Variants in HECA observed in about 807,000 individuals in gnomAD.
The protein encoded by HECA is headcase protein homolog.
Under a neutral mutation model 37.6 loss-of-function variants are expected in HECA, and 13 were observed. The ratio of observed to expected loss-of-function variants is 0.35; its 90% CI spans 0.23 to 0.55. HECA has a LOEUF of 0.55. HECA is among the 20% of genes least tolerant of loss of function. HECA has a pLI of 0.90. For missense variants in HECA, 527 were observed against 701.9 expected (o/e 0.75, Z 2.82); for synonymous variants, 307 against 291.5 (o/e 1.05, Z -0.54).
At position 139,178,624 on chromosome 6, in the gene HECA, G is replaced by A. The variant is rs964902417; in HGVS notation, c.*1519G>A. 1.3e-5 allele frequency: 2 copies of A among 150,580 alleles called. No individual in the cohort carries two copies. The highest frequency in any genetic ancestry group is 4.9e-5 in the African/African-American group (2 of 40,808). 9.3% of individuals were successfully genotyped at this position (150,580 alleles called of 1,614,324 possible). A position where few individuals can be genotyped will look rare whatever the true frequency, so the allele number is the denominator to read the frequency against. On this transcript the variant is annotated 3_prime_UTR_variant, in exon 4 of 4. Coordinates refer to ENST00000367658, the MANE Select transcript of HECA (RefSeq NM_016217.3). Reference sequence around the variant, plus strand: ...AGTCTCACTCTTGTCACCCAGGCTGGAGTGCAGTAGTGCGATCTCAGCTCA... The same window carrying A: ...AGTCTCACTCTTGTCACCCAGGCTGAAGTGCAGTAGTGCGATCTCAGCTCA...
At chr6:139,154,394 T>C (rs1170906766) in intron 1 of HECA, among the ~76,000 whole-genome samples, 1 of 152,166 alleles carries the variant, frequency 6.6e-6, no homozygotes, top group African/African-American at 2.4e-5. Flanking sequence ...AAAAAAAAAC[T>C]CTGGACTGGT....
chr6:139,171,584 A>G (rs1324406464), intron 2 of HECA, among the ~76,000 whole-genome samples: 1 of 152,222 alleles, frequency 6.6e-6, no homozygotes, highest in Non-Finnish European at 1.5e-5. Flanking sequence ...TCATGTCTTC[A>G]ATCACCAATT....
Position 139,178,655 on chromosome 6 carries a change from A to G in HECA, c.*1550A>G, listed in dbSNP as rs1775087786. ...AGTAGTGCGATCTCAGCTCACTGCA[A>G]CCTCTGCCTCCTGGATTCAAGCGAT... is the stretch of plus-strand genomic sequence containing the variant. On this transcript the variant is annotated 3_prime_UTR_variant, in exon 4 of 4. Coordinates refer to ENST00000367658, the MANE Select transcript of HECA (RefSeq NM_016217.3). 1 of 151,222 alleles carries G rather than the reference A, an allele frequency of 6.6e-6. No individual in the cohort carries two copies. The highest frequency in any genetic ancestry group is 1.5e-5 in the Non-Finnish European group (1 of 67,824). The allele number at this position is 151,222 out of a possible 1,614,324, so 9.4% of individuals were successfully genotyped here.
intron 1 of HECA, among the ~76,000 whole-genome samples, chr6:139,152,307 A>T (rs367647411): frequency 4.0e-4 from 61 of 152,286 alleles, no homozygotes; most frequent in African/African-American, 1.4e-3. Flanking sequence ...GAGGCTGGGT[A>T]GACTTGTGGG....
At chr6:139,168,573 C>T (rs72980683) in intron 2 of HECA, among the ~76,000 whole-genome samples, 6,214 of 152,046 alleles carry the variant, frequency 0.041, 135 homozygotes, top group African/African-American at 0.062. Context: ...GACTCTTACC[C>T]TCCTGCTTCT....
chr6:139,163,788 C>A (rs559357475), intron 1 of HECA, among the ~76,000 whole-genome samples: 8 of 152,272 alleles, frequency 5.3e-5, no homozygotes, highest in Middle Eastern at 3.4e-3. Context: ...CTTTTCCTGG[C>A]CTCTGGTCTC....
At chr6:139,164,449 A>G (rs1774853448) in intron 1 of HECA, among the ~76,000 whole-genome samples, 1 of 152,064 alleles carries the variant, frequency 6.6e-6, no homozygotes, top group South Asian at 2.1e-4. Context: ...TGCTTCCTGT[A>G]GTGTGCTGGA....
intron 2 of HECA, among the ~76,000 whole-genome samples, chr6:139,172,404 G>A (rs757376563): frequency 4.6e-5 from 7 of 152,046 alleles, no homozygotes; most frequent in Non-Finnish European, 8.8e-5. Context: ...CTACTCCCTC[G>A]CCCTGCCCTT....
chr6:139,163,155 C>G (rs1774831013), intron 1 of HECA, among the ~76,000 whole-genome samples: 3 of 152,070 alleles, frequency 2.0e-5, no homozygotes, highest in African/African-American at 7.2e-5. Context: ...GATTTTACCC[C>G]CTAGGGGATA....
intron 1 of HECA, among the ~76,000 whole-genome samples, chr6:139,147,688 G>A (rs1375456180): frequency 6.6e-6 from 1 of 152,142 alleles, no homozygotes; most frequent in Non-Finnish European, 1.5e-5. Flanking sequence ...CTTGACCCAA[G>A]GAAGCACTTT....
intron 1 of HECA, among the ~76,000 whole-genome samples, chr6:139,146,052 A>G (rs1774580296): frequency 6.6e-6 from 1 of 152,058 alleles, no homozygotes; most frequent in South Asian, 2.1e-4. Context: ...CTCAAATCAT[A>G]TTACCTCCCC....
In HECA at chr6:139,166,416, A is replaced by G. The variant is rs745853220; in HGVS notation, c.404A>G (p.Tyr135Cys). Residue 135 changes from tyrosine (Y) to cysteine (C), a missense_variant, in exon 2 of 4, where the codon TAC becomes TGC. This residue lies in a region of HECA where 172 missense variants were observed against 197.6 expected (regional missense o/e 0.87). Coordinates refer to ENST00000367658, the MANE Select transcript of HECA (RefSeq NM_016217.3). ...ACCTGGATGCACCTGCAGTGCTTCT[A>G]CGAGTGGGAGAGCAGCATCCTCGTC... The part of the protein sequence containing the change: ...CSTWMHLQCF[Y>C]EWESSILVQF... 6.8e-6 allele frequency: 11 copies of G among 1,614,226 alleles called. No homozygotes were observed. The highest frequency in any genetic ancestry group is 3.3e-5 in the South Asian group (3 of 91,088).
Position 139,166,457 on chromosome 6 carries a change from G to A in HECA, c.445G>A (p.Gly149Ser), listed in dbSNP as rs1774887139. The A allele has an allele frequency of 1.9e-6, 3 of 1,614,068 alleles. No individual in the cohort carries two copies. The highest frequency in any genetic ancestry group is 2.5e-6 in the Non-Finnish European group (3 of 1,180,022). ...CATCCTCGTCCAGTTCAACTGCATC[G>A]GCCGCGCGCGCAGCTGGAACGAGAA... ...SSILVQFNCIGRARSWNEKQC... is the reference protein window; with the variant it reads ...SSILVQFNCISRARSWNEKQC... The change falls in exon 2 of 4, where the codon GGC becomes AGC. Residue 149 changes from glycine to serine, a missense_variant. Gly to Ser is a moderately conservative substitution (Grantham distance 56). This residue lies in a region of HECA where 172 missense variants were observed against 197.6 expected (regional missense o/e 0.87). Transcript: ENST00000367658.
rs147615679 is a variant in HECA at position 139,166,912 on chromosome 6, C to T, written c.900C>T (p.Asn300=). The T allele has an allele frequency of 1.9e-4, 311 of 1,614,070 alleles. No individual in the cohort carries two copies. The highest frequency in any genetic ancestry group is 6.6e-4 in the Middle Eastern group (4 of 6,062). ...SSRYLGEFLK[N]AIHLEPHKKA... ...GATACCTCGGGGAGTTCTTAAAGAA[C>T]GCCATCCATCTGGAGCCTCACAAGA... The change falls in exon 2 of 4, where the codon AAC becomes AAT. Residue 300 remains asparagine, a synonymous_variant. Transcript: ENST00000367658.
At chr6:139,138,810 G>T (rs561776036) in intron 1 of HECA, among the ~76,000 whole-genome samples, 1 of 152,226 alleles carries the variant, frequency 6.6e-6, no homozygotes, top group African/African-American at 2.4e-5. Flanking sequence ...ACTAGTTTAT[G>T]AGGCTTATTT....
intron 1 of HECA, among the ~76,000 whole-genome samples, chr6:139,139,403 CATTAGATAG>C (rs1406662733): frequency 6.6e-6 from 1 of 152,192 alleles, no homozygotes; most frequent in Non-Finnish European, 1.5e-5. Context: ...AGATTACATA[CATTAGATAG>C]ATTAGAACAG....
intron 2 of HECA, among the ~76,000 whole-genome samples, chr6:139,173,847 A>G (rs1582950882): frequency 6.6e-6 from 1 of 152,218 alleles, no homozygotes; most frequent in East Asian, 1.9e-4. Context: ...TTCCTAAATT[A>G]GATGTGGTGA....
intron 1 of HECA, among the ~76,000 whole-genome samples, chr6:139,159,559 A>G (rs1186849165): frequency 6.6e-6 from 1 of 152,026 alleles, no homozygotes; most frequent in Non-Finnish European, 1.5e-5. Flanking sequence ...CCCGACAGAG[A>G]AGGCCTGGAC....
Position 139,178,684 on chromosome 6 carries a change from C to T in HECA, c.*1579C>T, listed in dbSNP as rs1452516325. On this transcript the variant is annotated 3_prime_UTR_variant, in exon 4 of 4. Transcript: ENST00000367658. ...CTGCCTCCTGGATTCAAGCGATTCT[C>T]CTGTCCCAGCCTCCCAGGTAGCTGG... is the stretch of plus-strand genomic sequence containing the variant. 4.6e-5 allele frequency: 7 copies of T among 152,124 alleles called. No individual in the cohort carries two copies. Among genetic ancestry groups the T allele is most frequent in the East Asian group, 1.9e-4 (1 of 5,194 alleles). 9.4% of individuals were successfully genotyped at this position (152,124 alleles called of 1,614,324 possible).
Sources: allele counts gnomAD v4.1 joint callset (sites outside exome capture counted in the v4.1 genomes callset), GRCh38; gene constraint gnomAD v4.1.1; regional missense constraint gnomAD v4.1.1; transcripts MANE v1.5; gene names NCBI Gene and HGNC (gene_info 2026-07-23, HGNC 2026-07-21).